Variants in COL4A4 observed in about 807,000 individuals in gnomAD.
The protein encoded by COL4A4 is collagen type IV alpha 4 chain, also known as collagen alpha-4(IV) chain.
Under a neutral mutation model 192.9 loss-of-function variants are expected in COL4A4, and 105 were observed. That is an observed-to-expected ratio of 0.54 (90% CI 0.46 to 0.64). COL4A4 has a LOEUF of 0.64. COL4A4 is among the 30% of genes least tolerant of loss of function. The pLI, the probability that COL4A4 is intolerant of heterozygous loss-of-function variation, is 0.00. For synonymous variants in COL4A4, 762 were observed against 769.9 expected (o/e 0.99, Z 0.17); for missense variants, 1,967 against 2,169.3 (o/e 0.91, Z 1.85).
intron 6 of COL4A4, 70 bp downstream of exon 6, chr2:227,119,825 G>A: frequency 1.1e-6 from 1 of 926,946 alleles, no homozygotes. Flanking sequence ...ATATATACAT[G>A]TGGTTTTAAG....
chr2:226,992,707 T>C, the COL4A4 span, among the ~76,000 whole-genome samples: 21 of 152,182 alleles, frequency 1.4e-4, no homozygotes, highest in Non-Finnish European at 2.8e-4. Context: ...CACATGTCCA[T>C]ATCCATGAAG....
chr2:227,015,522 C>A (rs1317761396), intron 44 of COL4A4, among the ~76,000 whole-genome samples: 4 of 152,118 alleles, frequency 2.6e-5, no homozygotes, highest in Non-Finnish European at 5.9e-5. Flanking sequence ...TGTGACGCCC[C>A]CTCCCTACCC....
At chr2:227,067,989 AAAG>A (rs2058457552) in intron 25 of COL4A4, among the ~76,000 whole-genome samples, 1 of 144,968 alleles carries the variant, frequency 6.9e-6, no homozygotes, top group African/African-American at 2.6e-5. Context: ...ATAAAGAAAA[AAAG>A]AGAGAAGAAT....
rs190104982 is a variant in COL4A4 at position 227,080,207 on chromosome 2, A to G, written c.1803+236T>C. Among the ~76,000 whole-genome samples the G allele has an allele frequency of 8.7e-4, 132 of 152,302 alleles. 3 individuals carry two copies. In the East Asian group the frequency reaches 0.025, roughly 29 times the overall value. On this transcript the variant is annotated intron_variant, in intron 24 of 47. Transcript: ENST00000396625. Reference sequence around the variant, plus strand: ...ACACCACGAGAATGATATAAAGACCAAGGACCGAAAGTCCTGCTAGGACTG... The same window carrying G: ...ACACCACGAGAATGATATAAAGACCGAGGACCGAAAGTCCTGCTAGGACTG...
At chr2:227,040,998 T>G (rs1410920800) in intron 37 of COL4A4, among the ~76,000 whole-genome samples, 1 of 152,156 alleles carries the variant, frequency 6.6e-6, no homozygotes, top group Non-Finnish European at 1.5e-5. Context: ...ATAACCAGAC[T>G]TTTATAACCA....
chr2:227,156,517 A>ACAGT (rs2064367494), intron 1 of COL4A4, among the ~76,000 whole-genome samples: 1 of 152,128 alleles, frequency 6.6e-6, no homozygotes, highest in Admixed American at 6.5e-5. Flanking sequence ...ATAAGCTATG[A>ACAGT]CAGTACCTTA....
intron 20 of COL4A4, among the ~76,000 whole-genome samples, chr2:227,093,361 T>C (rs2060038190): frequency 6.6e-6 from 1 of 152,228 alleles, no homozygotes; most frequent in Admixed American, 6.5e-5. Flanking sequence ...TATACTTAAA[T>C]GATTAGCAGC....
intron 9 of COL4A4, 144 bp downstream of exon 9, chr2:227,111,534 T>C (rs1242437016): frequency 2.3e-6 from 2 of 858,662 alleles, no homozygotes; most frequent in African/African-American, 1.7e-5. Context: ...AAATGCTTAA[T>C]AATTTTTGAA....
Position 227,080,521 on chromosome 2 carries a change from C to A in COL4A4, c.1725G>T (p.Gly575=). ...CTGGCTGCCCTGGAAATCCTGGGGG[C>A]CCATCAGGACCTCTTTCTCCTTTGT... ...KGHKGERGPD[G]PPGFPGQPGS... The change falls in exon 24 of 48, where the codon GGG becomes GGT. Residue 575 remains glycine, a synonymous_variant. Coordinates refer to ENST00000396625, the MANE Select transcript of COL4A4 (RefSeq NM_000092.5). 1 of 1,614,050 alleles carries A rather than the reference C, an allele frequency of 6.2e-7. No individual in the cohort carries two copies. The highest frequency in any genetic ancestry group is 8.5e-7 in the Non-Finnish European group (1 of 1,180,004).
chr2:227,086,931 G>C (rs894864459), intron 22 of COL4A4, among the ~76,000 whole-genome samples: 1 of 152,182 alleles, frequency 6.6e-6, no homozygotes. Flanking sequence ...ATGTGACAAG[G>C]GTACTGCTGG....
In COL4A4 at chr2:227,006,190, T is replaced by A. The variant is rs1962051543; in HGVS notation, c.*1135A>T. The A allele has an allele frequency of 6.6e-6, 1 of 152,656 alleles. No homozygotes were observed. The allele number at this position is 152,656 out of a possible 1,614,324, so 9.5% of individuals were successfully genotyped here. On this transcript the variant is annotated 3_prime_UTR_variant, in exon 48 of 48. Transcript: ENST00000396625. The stretch of plus-strand genomic sequence containing the variant: ...GGGGTAACCCTGACTTAAATGAATC[T>A]TCTTACCTAAGTTTAATTAAATCGG...
intron 37 of COL4A4, among the ~76,000 whole-genome samples, chr2:227,036,222 T>C (rs1302227990): frequency 6.6e-6 from 1 of 152,336 alleles, no homozygotes; most frequent in East Asian, 1.9e-4. Context: ...TCAGTGAATG[T>C]AACCTCCAAT....
chr2:227,027,741 T>C, intron 42 of COL4A4, 161 bp downstream of exon 42: 1 of 523,088 alleles, frequency 1.9e-6, no homozygotes, highest in Non-Finnish European at 3.4e-6. Context: ...TTACCAAACA[T>C]GAGACTTTGT....
Position 227,109,710 on chromosome 2 carries a change from GC to G in COL4A4, c.595-425del, listed in dbSNP as rs530507276. On this transcript the variant is annotated intron_variant, in intron 9 of 47. Coordinates refer to ENST00000396625, the MANE Select transcript of COL4A4 (RefSeq NM_000092.5). ...TGCAGTGAGCCGAGATTGTGCCACTGCACTCCAGCCTGGCGAAAGAGCAAGA... is the reference window on the plus strand; with the variant it reads ...TGCAGTGAGCCGAGATTGTGCCACTGACTCCAGCCTGGCGAAAGAGCAAGA... Among the ~76,000 whole-genome samples, 910 of 150,740 alleles carry G rather than the reference GC, an allele frequency of 6.0e-3. 4 individuals are homozygous for G. Among genetic ancestry groups the G allele is most frequent in the African/African-American group, 0.021 (854 of 40,944 alleles).
intron 44 of COL4A4, among the ~76,000 whole-genome samples, chr2:227,013,846 C>G (rs7594505): frequency 0.51 from 77,117 of 151,954 alleles, 20,487 homozygotes; most frequent in African/African-American, 0.68. Flanking sequence ...CCAGTCAACC[C>G]AGGAATTCAT....
chr2:227,042,391 T>A (rs1375743010), intron 36 of COL4A4, 136 bp from the exon 37 acceptor site: 1 of 642,684 alleles, frequency 1.6e-6, no homozygotes, highest in East Asian at 2.8e-5. Context: ...ACATCTTAAC[T>A]CTAGGGAGAA....
At chr2:227,047,826 C>T (rs1973213935) in intron 34 of COL4A4, among the ~76,000 whole-genome samples, 1 of 150,940 alleles carries the variant, frequency 6.6e-6, no homozygotes, top group South Asian at 2.1e-4. Flanking sequence ...TTTTTAAGTC[C>T]TGAAAAAATT....
chr2:227,047,411 A>T, intron 35 of COL4A4, 64 bp downstream of exon 35: 1 of 1,138,736 alleles, frequency 8.8e-7, no homozygotes, highest in Non-Finnish European at 1.3e-6. Context: ...AGCTAGAAGT[A>T]ATTGTTCTGC....
At chr2:227,084,047 T>C (rs2059458125) in intron 22 of COL4A4, among the ~76,000 whole-genome samples, 1 of 152,242 alleles carries the variant, frequency 6.6e-6, no homozygotes, top group South Asian at 2.1e-4. Flanking sequence ...ATCCTGTTTG[T>C]AGCAATGTCT....
Sources: allele counts gnomAD v4.1 joint callset (sites outside exome capture counted in the v4.1 genomes callset), GRCh38; gene constraint gnomAD v4.1.1; transcripts MANE v1.5; gene names NCBI Gene and HGNC (gene_info 2026-07-23, HGNC 2026-07-21).